The following DRC11L variants were observed in gnomAD, a reference collection of about 807,000 sequenced individuals.
DRC11L encodes dynein regulatory complex subunit 11 like.
chr7:151,199,852 G>A, the DRC11L span, among the ~76,000 whole-genome samples: 1 of 152,238 alleles, frequency 6.6e-6, no homozygotes, highest in African/African-American at 2.4e-5. The surrounding 1 kb of genome is among the most constrained non-coding windows in gnomAD (Gnocchi z 5.2). Context: ...GAGACCAGCT[G>A]GGTGAGAGGA....
the DRC11L span, among the ~76,000 whole-genome samples, chr7:151,198,399 T>C: frequency 6.6e-6 from 1 of 151,554 alleles, no homozygotes; most frequent in Non-Finnish European, 1.5e-5. Context: ...GATAGGTAGA[T>C]GGAGAGGCGG....
chr7:151,198,810 AAC>A, the DRC11L span: 1 of 398,964 alleles, frequency 2.5e-6, no homozygotes, highest in Non-Finnish European at 4.4e-6. Context: ...GCACTCGATA[AAC>A]CACTGTCGGA....
At chr7:151,195,679 G>C in the DRC11L span, 2 of 399,398 alleles carry the variant, frequency 5.0e-6, no homozygotes, top group Non-Finnish European at 8.8e-6. Flanking sequence ...CAGCCGAGGT[G>C]TGGCGGGGTG....
At chr7:151,201,871 G>T in the DRC11L span, among the ~76,000 whole-genome samples, 3 of 152,158 alleles carry the variant, frequency 2.0e-5, no homozygotes, top group Non-Finnish European at 2.9e-5. This position sits in a 1 kb window ranked among gnomAD's most constrained non-coding sequence, Gnocchi z 4.1. Flanking sequence ...GAATTTTCCC[G>T]GGGCTCCTCC....
chr7:151,191,022 G>A, the DRC11L span: 18 of 400,114 alleles, frequency 4.5e-5, no homozygotes, highest in Non-Finnish European at 6.2e-5. Flanking sequence ...TGGCCTCCTC[G>A]GCCTCCAACT....
At chr7:151,204,548 G>A in the DRC11L span, 1 of 398,756 alleles carries the variant, frequency 2.5e-6, no homozygotes, top group Non-Finnish European at 4.4e-6. Flanking sequence ...GGTCCAGGCA[G>A]TGGTTCTCAC....
chr7:151,202,996 C>T, the DRC11L span: 25 of 399,732 alleles, frequency 6.3e-5, no homozygotes, highest in Non-Finnish European at 1.0e-4. Flanking sequence ...CTCATCTCTT[C>T]GAATCTCTCG....
chr7:151,199,035 A>C, the DRC11L span: 15 of 398,804 alleles, frequency 3.8e-5, no homozygotes, highest in Middle Eastern at 6.2e-4. This position sits in a 1 kb window ranked among gnomAD's most constrained non-coding sequence, Gnocchi z 5.2. Flanking sequence ...TGAGGGGCTC[A>C]GGAGTGGGAG....
At chr7:151,195,000 G>T in the DRC11L span, among the ~76,000 whole-genome samples, 2 of 152,150 alleles carry the variant, frequency 1.3e-5, no homozygotes, top group African/African-American at 2.4e-5. Context: ...AATTCAAGCA[G>T]CTGACGTCAA....
At chr7:151,194,678 G>C in the DRC11L span, 1 of 398,430 alleles carries the variant, frequency 2.5e-6, no homozygotes, top group Non-Finnish European at 4.4e-6. Flanking sequence ...TGGAGGCAGA[G>C]ATGGGGGCTG....
chr7:151,202,766 G>A, the DRC11L span: 4 of 396,648 alleles, frequency 1.0e-5, no homozygotes, highest in Middle Eastern at 6.3e-4. Flanking sequence ...CACGAGAATC[G>A]CTTGAACCCA....
At chr7:151,203,053 T>C in the DRC11L span, 1 of 399,610 alleles carries the variant, frequency 2.5e-6, no homozygotes, top group Non-Finnish European at 4.4e-6. Flanking sequence ...CTCTGCCTTT[T>C]GCACTAGAAT....
At chr7:151,195,318 G>A in the DRC11L span, 4 of 398,388 alleles carry the variant, frequency 1.0e-5, no homozygotes, top group East Asian at 3.6e-5. Context: ...GAGGGAAAGC[G>A]ACTTTCCCAA....
At chr7:151,192,637 GC>G in the DRC11L span, 2 of 398,962 alleles carry the variant, frequency 5.0e-6, no homozygotes, top group Non-Finnish European at 8.8e-6. Context: ...CATGTGCAAG[GC>G]CCCAGTGGTT....
chr7:151,201,631 G>T, the DRC11L span, among the ~76,000 whole-genome samples: 1 of 152,172 alleles, frequency 6.6e-6, no homozygotes, highest in African/African-American at 2.4e-5. This position sits in a 1 kb window ranked among gnomAD's most constrained non-coding sequence, Gnocchi z 4.1. Flanking sequence ...TCTTTTGGTG[G>T]GAAGTTCTAA....
the DRC11L span, among the ~76,000 whole-genome samples, chr7:151,196,238 G>T: frequency 6.6e-6 from 1 of 152,190 alleles, no homozygotes; most frequent in Non-Finnish European, 1.5e-5. Context: ...GAGGAAGGTG[G>T]GAACTGACGT....
chr7:151,201,335 C>T, the DRC11L span, among the ~76,000 whole-genome samples: 5 of 152,214 alleles, frequency 3.3e-5, no homozygotes, highest in Admixed American at 2.0e-4. The surrounding 1 kb of genome is among the most constrained non-coding windows in gnomAD (Gnocchi z 4.1). Flanking sequence ...AAGACCAGCA[C>T]GCAATATTTC....
At chr7:151,202,758 C>T in the DRC11L span, among the ~76,000 whole-genome samples, 5 of 152,240 alleles carry the variant, frequency 3.3e-5, no homozygotes, top group South Asian at 2.1e-4. Flanking sequence ...GGCTGAAGCA[C>T]GAGAATCGCT....
chr7:151,204,266 A>G, the DRC11L span, among the ~76,000 whole-genome samples: 1 of 152,036 alleles, frequency 6.6e-6, no homozygotes, highest in Non-Finnish European at 1.5e-5. Flanking sequence ...AGCCCTTCCT[A>G]CAAGGCCAAA....
Sources: allele counts gnomAD v4.1 joint callset (sites outside exome capture counted in the v4.1 genomes callset), GRCh38; gene constraint gnomAD v4.1.1; non-coding constraint Gnocchi (gnomAD v3.1); transcripts MANE v1.5; gene names NCBI Gene and HGNC (gene_info 2026-07-23, HGNC 2026-07-21).